DOK5: variants seen among roughly 807,000 people sequenced by gnomAD.
DOK5 encodes the protein docking protein 5, also known as downstream of tyrosine kinase 5.
DOK5 carries 27 observed loss-of-function variants against 43.3 expected under a neutral mutation model. The observed-to-expected ratio is 0.62, with a 90% CI of 0.46 to 0.86. The LOEUF is 0.86. Ranked by LOEUF, DOK5 falls within the 40% of genes least tolerant of loss-of-function variation. The pLI is 0.00. For synonymous variants in DOK5, 146 were observed against 140.1 expected, an observed-to-expected ratio of 1.04 and a Z score of -0.30; for missense variants, 373 against 392.9, an observed-to-expected ratio of 0.95 and a Z score of 0.43.
chr20:54,555,771 A>G (rs1984690455), intron 2 of DOK5, among the ~76,000 whole-genome samples: 1 of 152,220 alleles, frequency 6.6e-6, no homozygotes, highest in African/African-American at 2.4e-5. Flanking sequence ...TGAAGGAACT[A>G]TGCTTATTTT....
At chr20:54,562,771 TA>T (rs147981684) in intron 2 of DOK5, among the ~76,000 whole-genome samples, 3,367 of 149,994 alleles carry the variant, frequency 0.022, 114 homozygotes, top group African/African-American at 0.077. Context: ...TACAGAAGGT[TA>T]AAAAAAAAAT....
At position 54,588,480 on chromosome 20, in the gene DOK5, C is replaced by G; in HGVS notation, c.175-3C>G. On this transcript the variant is annotated splice_polypyrimidine_tract_variant and splice_region_variant and intron_variant, in intron 2 of 7. Transcript: ENST00000262593. ...TGTCAAACTTCTAATTGTTCATTTT[C>G]AGGTTACAGAACTCAATAATGTGAA... 6.2e-7 allele frequency: 1 copy of G among 1,612,678 alleles called. No homozygotes were observed. The highest frequency in any genetic ancestry group is 8.5e-7 in the Non-Finnish European group (1 of 1,178,686).
chr20:54,590,440 C>G (rs1331989976), intron 4 of DOK5, among the ~76,000 whole-genome samples: 1 of 151,994 alleles, frequency 6.6e-6, no homozygotes, highest in Non-Finnish European at 1.5e-5. Flanking sequence ...CAGAGAACTT[C>G]TAAGCAAATA....
chr20:54,620,224 T>C (rs1986936672), intron 6 of DOK5, among the ~76,000 whole-genome samples: 1 of 152,172 alleles, frequency 6.6e-6, no homozygotes, highest in African/African-American at 2.4e-5. Flanking sequence ...GCATAATTTG[T>C]TTTCATCTTT....
At chr20:54,541,160 C>T (rs1984146216) in intron 1 of DOK5, among the ~76,000 whole-genome samples, 1 of 152,096 alleles carries the variant, frequency 6.6e-6, no homozygotes, top group Admixed American at 6.5e-5. Flanking sequence ...TTAACCTTAC[C>T]CTTACATTCA....
At chr20:54,631,336 A>G (rs1350623311) in intron 6 of DOK5, among the ~76,000 whole-genome samples, 1 of 151,942 alleles carries the variant, frequency 6.6e-6, no homozygotes, top group Non-Finnish European at 1.5e-5. Context: ...GGATAACTGG[A>G]GCCCAAGAGA....
chr20:54,582,250 TTC>T, intron 2 of DOK5, among the ~76,000 whole-genome samples: 1 of 151,902 alleles, frequency 6.6e-6, no homozygotes, highest in Non-Finnish European at 1.5e-5. Context: ...TGCTGCTGAA[TTC>T]AGTTTGCTAG....
intron 2 of DOK5, among the ~76,000 whole-genome samples, chr20:54,583,042 C>T (rs1028623082): frequency 5.3e-5 from 8 of 152,008 alleles, no homozygotes; most frequent in Admixed American, 1.3e-4. Context: ...TTTGCTACCT[C>T]ACACAAATTT....
At chr20:54,649,611 T>C (rs1286379853) in intron 7 of DOK5, among the ~76,000 whole-genome samples, 1 of 152,148 alleles carries the variant, frequency 6.6e-6, no homozygotes, top group African/African-American at 2.4e-5. Flanking sequence ...TTTCTTTGCT[T>C]GCGGTAACCG....
chr20:54,518,352 C>T (rs977193222), intron 1 of DOK5, among the ~76,000 whole-genome samples: 7 of 151,916 alleles, frequency 4.6e-5, no homozygotes, highest in South Asian at 4.2e-4. Flanking sequence ...TCAATTCCCA[C>T]CTATGAGTGA....
At chr20:54,630,271 T>C (rs1978504186) in intron 6 of DOK5, among the ~76,000 whole-genome samples, 1 of 152,056 alleles carries the variant, frequency 6.6e-6, no homozygotes, top group Non-Finnish European at 1.5e-5. Context: ...ATTGGACCAA[T>C]AGGATTTGCT....
chr20:54,600,291 A>G (rs1247978022), intron 5 of DOK5, among the ~76,000 whole-genome samples: 2 of 152,098 alleles, frequency 1.3e-5, no homozygotes, highest in Non-Finnish European at 2.9e-5. Flanking sequence ...TCTTAGTCTG[A>G]TGGGGAGCCC....
intron 6 of DOK5, among the ~76,000 whole-genome samples, chr20:54,631,365 A>G (rs1472848810): frequency 6.6e-6 from 1 of 151,744 alleles, no homozygotes; most frequent in Non-Finnish European, 1.5e-5. Context: ...GCAGTGAGCC[A>G]TGTTTTGCCA....
intron 1 of DOK5, among the ~76,000 whole-genome samples, chr20:54,487,928 C>T (rs2146664493): frequency 6.6e-6 from 1 of 152,304 alleles, no homozygotes; most frequent in South Asian, 2.1e-4. Flanking sequence ...ATACAAGTTT[C>T]CATGTTTAGA....
Position 54,475,740 on chromosome 20 carries a change from TG to T in DOK5, c.-205del, listed in dbSNP as rs1049449845. The T allele has an allele frequency of 9.3e-6, 6 of 646,322 alleles. No homozygotes were observed. In the African/African-American group the frequency reaches 1.1e-4, roughly 12 times the overall value. 40.0% of individuals were successfully genotyped at this position (646,322 alleles called of 1,614,324 possible). A position where few individuals can be genotyped will look rare whatever the true frequency, so the allele number is the denominator to read the frequency against. ...CGCCGCGCTCTGCGCTCCCCGAAAG[TG>T]GCTGCAAGCCGGCCGCCCACTGTCA... On this transcript the variant is annotated 5_prime_UTR_variant, in exon 1 of 8. Transcript: ENST00000262593. The surrounding 1 kb of genome is among the most constrained non-coding windows in gnomAD (Gnocchi z 4.2).
chr20:54,602,767 C>G (rs926135923), intron 5 of DOK5, among the ~76,000 whole-genome samples: 1 of 152,022 alleles, frequency 6.6e-6, no homozygotes, highest in Non-Finnish European at 1.5e-5. Context: ...CTCCACCTCC[C>G]GGGTTCAAGC....
intron 1 of DOK5, among the ~76,000 whole-genome samples, chr20:54,549,754 C>G (rs938189437): frequency 2.0e-5 from 3 of 152,120 alleles, no homozygotes; most frequent in Admixed American, 6.5e-5. Context: ...TGTAAAATAT[C>G]TTTCTTGGTG....
chr20:54,598,448 C>T (rs920864184), intron 5 of DOK5, among the ~76,000 whole-genome samples: 1 of 152,194 alleles, frequency 6.6e-6, no homozygotes, highest in Non-Finnish European at 1.5e-5. Flanking sequence ...GCAGCAAAAT[C>T]TCCCTTGGAA....
intron 2 of DOK5, among the ~76,000 whole-genome samples, chr20:54,572,068 G>C (rs1349823810): frequency 2.6e-5 from 4 of 151,844 alleles, no homozygotes; most frequent in Non-Finnish European, 5.9e-5. Flanking sequence ...TCATTTGGTG[G>C]TTTAGTAAAG....
Sources: gnomAD v4.1 joint callset for allele counts (sites outside exome capture counted in the v4.1 genomes callset) on GRCh38, gnomAD v4.1.1 for gene constraint, Gnocchi (gnomAD v3.1) non-coding constraint, MANE v1.5 for transcripts, NCBI Gene and HGNC (gene_info 2026-07-23, HGNC 2026-07-21) for gene names.